VPS4B: variants seen among roughly 807,000 people sequenced by gnomAD.
VPS4B encodes the protein vacuolar protein sorting 4 homolog B, also known as vacuolar protein sorting-associated protein 4B.
In VPS4B, 23 loss-of-function variants were observed where a neutral mutation model predicts 56.1. The ratio of observed to expected loss-of-function variants is 0.41; its 90% CI spans 0.30 to 0.58. The LOEUF is 0.58. VPS4B is among the 20% of genes least tolerant of loss of function. The probability of loss-of-function intolerance (pLI) is 0.29; values close to 1 mark genes in which losing one functional copy is unlikely to be tolerated. For missense variants in VPS4B, 372 were observed against 531.9 expected (o/e 0.70, Z 2.96); for synonymous variants, 177 against 186.0 (o/e 0.95, Z 0.39).
intron 4 of VPS4B, chr18:63,404,733 C>T (rs879355581): frequency 1.3e-5 from 2 of 152,160 alleles, no homozygotes; most frequent in Non-Finnish European, 2.9e-5. Context: ...TGTAACAGAA[C>T]ACCACCACTT....
At chr18:63,399,367 T>C in intron 7 of VPS4B, 44 bp from the exon 8 acceptor site, 1 of 1,565,572 alleles carries the variant, frequency 6.4e-7, no homozygotes, top group Non-Finnish European at 8.8e-7. Flanking sequence ...GTCATTTTGG[T>C]GTTCTTTAAA....
At chr18:63,394,873 T>C (rs552746210) in intron 9 of VPS4B, among the ~76,000 whole-genome samples, 2 of 152,240 alleles carry the variant, frequency 1.3e-5, no homozygotes, top group South Asian at 4.1e-4. Context: ...ATGTGTATTT[T>C]ACTGTCTTTA....
chr18:63,390,782 AC>A lies in VPS4B; in HGVS notation c.*192del. ...ATTTCCTCATAACCTGTTATTTTGTACCTTTTGTTAATAGGAGTATTTAATA... is the reference window on the plus strand; with the variant it reads ...ATTTCCTCATAACCTGTTATTTTGTACTTTTGTTAATAGGAGTATTTAATA... On this transcript the variant is annotated 3_prime_UTR_variant, in exon 11 of 11. Coordinates refer to ENST00000238497, the MANE Select transcript of VPS4B (RefSeq NM_004869.4). 1 of 435,026 alleles carries A rather than the reference AC, an allele frequency of 2.3e-6. No homozygotes were observed. Among genetic ancestry groups the A allele is most frequent in the Non-Finnish European group, 4.1e-6 (1 of 243,356 alleles). 26.9% of individuals were successfully genotyped at this position (435,026 alleles called of 1,614,324 possible). A position where few individuals can be genotyped will look rare whatever the true frequency, so the allele number is the denominator to read the frequency against.
At chr18:63,391,153 T>G in intron 10 of VPS4B, 77 bp from the exon 11 acceptor site, 1 of 950,138 alleles carries the variant, frequency 1.1e-6, no homozygotes. Context: ...ATTATCATTA[T>G]TGCTATGAAC....
intron 1 of VPS4B, chr18:63,416,533 C>T (rs987043393): frequency 2.6e-5 from 4 of 152,254 alleles, no homozygotes; most frequent in Admixed American, 1.3e-4. Context: ...CCCTTGCTAA[C>T]ACCCTAGTTC....
intron 1 of VPS4B, 42 bp downstream of exon 1, chr18:63,422,191 C>G (rs199907868): frequency 7.5e-6 from 11 of 1,457,594 alleles, no homozygotes; most frequent in Non-Finnish European, 1.0e-5. Context: ...CGCCTCCCCT[C>G]GATCCCAGCT....
intron 9 of VPS4B, among the ~76,000 whole-genome samples, chr18:63,395,420 A>G (rs1915648259): frequency 6.6e-6 from 1 of 152,332 alleles, no homozygotes; most frequent in African/African-American, 2.4e-5. Flanking sequence ...TCATTATTGG[A>G]AAGGACTTCA....
chr18:63,411,673 G>A, intron 1 of VPS4B, 95 bp from the exon 2 acceptor site: 1 of 674,278 alleles, frequency 1.5e-6, no homozygotes, highest in Middle Eastern at 2.9e-4. Flanking sequence ...TTTTTTTAAA[G>A]CTTCTCAGCT....
At chr18:63,393,062 G>GA (rs1049349011) in intron 10 of VPS4B, among the ~76,000 whole-genome samples, 1 of 151,610 alleles carries the variant, frequency 6.6e-6, no homozygotes, top group African/African-American at 2.4e-5. Context: ...AGATGCAGGG[G>GA]AAAAAAAATA....
intron 9 of VPS4B, among the ~76,000 whole-genome samples, chr18:63,395,098 C>A (rs1227493681): frequency 6.6e-6 from 1 of 152,110 alleles, no homozygotes; most frequent in South Asian, 2.1e-4. Flanking sequence ...AGCTGGTGAT[C>A]CCCAGCTGCA....
intron 1 of VPS4B, among the ~76,000 whole-genome samples, chr18:63,420,351 G>A (rs1273943145): frequency 1.3e-5 from 2 of 152,162 alleles, no homozygotes; most frequent in Non-Finnish European, 2.9e-5. Context: ...GGGAGGCTGA[G>A]GCACAAGAAT....
At chr18:63,394,044 GTTT>G (rs1304931731) in intron 9 of VPS4B, among the ~76,000 whole-genome samples, 1 of 151,922 alleles carries the variant, frequency 6.6e-6, no homozygotes, top group African/African-American at 2.4e-5. Context: ...GCTGCTTTTA[GTTT>G]TTTTCTTGAT....
rs1916145474 is a variant in VPS4B at position 63,415,629 on chromosome 18, G to A, written c.28-4051C>T. The A allele has an allele frequency of 2.1e-5, 5 of 242,978 alleles. No individual in the cohort carries two copies. The South Asian group carries it at 3.2e-4, about 16-fold the overall frequency. 15.1% of individuals were successfully genotyped at this position (242,978 alleles called of 1,614,324 possible). ...GTCCATGATAACCTTGATCTTCTTG[G>A]GGGCCTCAAAGCTGTCCAGTTGGTT... is the stretch of plus-strand genomic sequence containing the variant. On this transcript the variant is annotated intron_variant, in intron 1 of 10. Coordinates refer to ENST00000238497, the MANE Select transcript of VPS4B (RefSeq NM_004869.4).
chr18:63,391,525 G>A (rs554572164), intron 10 of VPS4B, among the ~76,000 whole-genome samples: 2 of 152,236 alleles, frequency 1.3e-5, no homozygotes, highest in African/African-American at 2.4e-5. Flanking sequence ...CCCTGCACCC[G>A]GCCCCTATTC....
In VPS4B at chr18:63,400,178, G is replaced by A; in HGVS notation, c.660C>T (p.Phe220=). 6.2e-7 allele frequency: 1 copy of A among 1,605,476 alleles called. No homozygotes were observed. Among genetic ancestry groups the A allele is most frequent in the Non-Finnish European group, 8.5e-7 (1 of 1,177,340 alleles). ...AGGGCTTGTTCTCTCTGGCAAGTTG[G>A]AATAAATTCTTAACCAGTCTAAAAA... ...GESEKLVKNL[F]QLARENKPSI... Residue 220 remains phenylalanine (F), a synonymous_variant, in exon 7 of 11, where the codon TTC becomes TTT. Transcript: ENST00000238497.
At chr18:63,402,385 CGA>C (rs374589565) in intron 5 of VPS4B, among the ~76,000 whole-genome samples, 2 of 151,946 alleles carry the variant, frequency 1.3e-5, no homozygotes, top group South Asian at 2.1e-4. Flanking sequence ...CGTTAGAAGT[CGA>C]GAGAGAGAGA....
chr18:63,420,767 C>G (rs569880699), intron 1 of VPS4B, among the ~76,000 whole-genome samples: 1 of 151,944 alleles, frequency 6.6e-6, no homozygotes, highest in Admixed American at 6.6e-5. Context: ...CATCCGGGCA[C>G]GGTGACTCAC....
intron 3 of VPS4B, among the ~76,000 whole-genome samples, chr18:63,409,330 C>T (rs1251889423): frequency 6.6e-5 from 10 of 152,166 alleles, no homozygotes; most frequent in Admixed American, 5.9e-4. Context: ...GCCACGAAGC[C>T]CCAAAGCACT....
chr18:63,400,442 A>G (rs1915784574), intron 6 of VPS4B, 105 bp downstream of exon 6: 2 of 1,273,764 alleles, frequency 1.6e-6, no homozygotes, highest in African/African-American at 3.0e-5. Flanking sequence ...TACCTGTATT[A>G]CATGACTTCT....
Sources: gnomAD v4.1 joint callset for allele counts (sites outside exome capture counted in the v4.1 genomes callset) on GRCh38, gnomAD v4.1.1 for gene constraint, MANE v1.5 for transcripts, NCBI Gene and HGNC (gene_info 2026-07-23, HGNC 2026-07-21) for gene names.